Variants in SIPA1L1 observed in about 807,000 individuals in gnomAD.
SIPA1L1 encodes the protein signal induced proliferation associated 1 like 1, also known as signal-induced proliferation-associated 1-like protein 1.
In SIPA1L1, 26 loss-of-function variants were observed where a neutral mutation model predicts 162.7. That is an observed-to-expected ratio of 0.16 (90% CI 0.12 to 0.22). SIPA1L1 has a LOEUF of 0.22. SIPA1L1 is among the 10% of genes least tolerant of loss of function. SIPA1L1 has a pLI of 1.00. For missense variants in SIPA1L1, 1,874 were observed against 2,241.0 expected, an observed-to-expected ratio of 0.84 and a Z score of 3.31; for synonymous variants, 829 against 837.4, an observed-to-expected ratio of 0.99 and a Z score of 0.17.
chr14:71,471,217 T>G (rs2047430679), intron 2 of SIPA1L1, among the ~76,000 whole-genome samples: 1 of 151,736 alleles, frequency 6.6e-6, no homozygotes, highest in Non-Finnish European at 1.5e-5. Flanking sequence ...ATGCCTGTAA[T>G]CCCAGGACTT....
chr14:71,482,754 T>C (rs1276404238), intron 2 of SIPA1L1, among the ~76,000 whole-genome samples: 1 of 152,186 alleles, frequency 6.6e-6, no homozygotes, highest in Non-Finnish European at 1.5e-5. Flanking sequence ...AAGAATTGAC[T>C]CCTCTCCATC....
At chr14:71,584,963 T>G (rs2034398632) in intron 4 of SIPA1L1, among the ~76,000 whole-genome samples, 1 of 152,196 alleles carries the variant, frequency 6.6e-6, no homozygotes, top group South Asian at 2.1e-4. Context: ...CAGTCAACCC[T>G]AAGGAATAGA....
intron 13 of SIPA1L1, among the ~76,000 whole-genome samples, chr14:71,693,648 G>A (rs1020465472): frequency 2.6e-5 from 4 of 152,008 alleles, no homozygotes; most frequent in Admixed American, 6.6e-5. Context: ...AACACAACTT[G>A]TTCAAACTAC....
intron 2 of SIPA1L1, among the ~76,000 whole-genome samples, chr14:71,423,269 G>A (rs1210014873): frequency 6.6e-6 from 1 of 152,048 alleles, no homozygotes; most frequent in Non-Finnish European, 1.5e-5. Context: ...CCCATTCTGT[G>A]TGTTGCCTTT....
At chr14:71,618,203 C>T (rs2039045397) in intron 5 of SIPA1L1, among the ~76,000 whole-genome samples, 2 of 152,172 alleles carry the variant, frequency 1.3e-5, no homozygotes, top group South Asian at 4.1e-4. Flanking sequence ...GTCCTGCCTC[C>T]CTGGGGCACT....
chr14:71,418,742 G>A (rs182590141), intron 2 of SIPA1L1, among the ~76,000 whole-genome samples: 18 of 152,300 alleles, frequency 1.2e-4, no homozygotes, highest in Admixed American at 2.6e-4. Context: ...AGAGGAAGTT[G>A]TAAATGTCTT....
intron 2 of SIPA1L1, among the ~76,000 whole-genome samples, chr14:71,438,165 A>C (rs1193754615): frequency 6.6e-6 from 1 of 151,762 alleles, no homozygotes; most frequent in African/African-American, 2.4e-5. Context: ...AAAACAAAAC[A>C]AAACTCGTCA....
At position 71,618,881 on chromosome 14, in the gene SIPA1L1, T is replaced by C. The variant is rs767871956; in HGVS notation, c.1623T>C (p.Thr541=). The C allele has an allele frequency of 2.2e-5, 36 of 1,613,046 alleles. No individual in the cohort carries two copies. In the East Asian group the frequency reaches 7.4e-4, roughly 33 times the overall value. The change falls in exon 6 of 24, where the codon ACT becomes ACC. Residue 541 remains threonine (T), a synonymous_variant. Coordinates refer to ENST00000381232, the MANE Select transcript of SIPA1L1 (RefSeq NM_001386936.1). The part of the protein sequence containing the change: ...SPYNYRIIFR[T]SELMTLRGSV... ...ACAACTACCGAATAATTTTTAGAAC[T>C]AGTGAGGTAAGTCGCAAATGAGAGA...
intron 2 of SIPA1L1, among the ~76,000 whole-genome samples, chr14:71,457,802 G>C (rs1245498217): frequency 6.6e-6 from 1 of 151,662 alleles, no homozygotes; most frequent in Non-Finnish European, 1.5e-5. Flanking sequence ...TCACCATGTT[G>C]CTCAGGCTGG....
chr14:71,398,527 G>A (rs926749668), intron 2 of SIPA1L1: 7 of 152,192 alleles, frequency 4.6e-5, no homozygotes, highest in African/African-American at 1.7e-4. Flanking sequence ...TTTAAAAGTA[G>A]ATAGTTACAC....
chr14:71,733,565 A>AC (rs1319228591), intron 20 of SIPA1L1, 101 bp from the exon 21 acceptor site: 5 of 1,228,660 alleles, frequency 4.1e-6, no homozygotes, highest in Non-Finnish European at 5.7e-6. Context: ...GATAACAGTC[A>AC]CAAATGGCTT....
At chr14:71,364,567 A>G (rs2038106036) in intron 2 of SIPA1L1, among the ~76,000 whole-genome samples, 1 of 152,172 alleles carries the variant, frequency 6.6e-6, no homozygotes, top group Non-Finnish European at 1.5e-5. Context: ...ATATGAATAT[A>G]TCACAGTTTG....
intron 2 of SIPA1L1, among the ~76,000 whole-genome samples, chr14:71,435,053 A>T (rs1245198094): frequency 6.6e-6 from 1 of 152,286 alleles, no homozygotes; most frequent in East Asian, 1.9e-4. Flanking sequence ...GCTTGCAAGT[A>T]TGCAGTTTAT....
intron 20 of SIPA1L1, among the ~76,000 whole-genome samples, chr14:71,731,719 G>A (rs1394256491): frequency 6.6e-6 from 1 of 152,248 alleles, no homozygotes; most frequent in African/African-American, 2.4e-5. Flanking sequence ...TGTCCCACAC[G>A]TGGTCATTGT....
intron 17 of SIPA1L1, among the ~76,000 whole-genome samples, chr14:71,719,465 G>A (rs186670138): frequency 6.6e-6 from 1 of 152,264 alleles, no homozygotes; most frequent in East Asian, 1.9e-4. Flanking sequence ...GTCTTTTAAT[G>A]TAACCATTCT....
chr14:71,738,377 A>G, intron 23 of SIPA1L1, 52 bp downstream of exon 23: 1 of 1,246,280 alleles, frequency 8.0e-7, no homozygotes, highest in Non-Finnish European at 1.2e-6. Flanking sequence ...ACTACCCTTG[A>G]ACCATGAGAG....
intron 10 of SIPA1L1, among the ~76,000 whole-genome samples, chr14:71,663,643 G>T (rs892607531): frequency 6.6e-6 from 1 of 152,020 alleles, no homozygotes; most frequent in Non-Finnish European, 1.5e-5. Flanking sequence ...TCAGTGCTTT[G>T]TTTTTTTATT....
chr14:71,713,849 T>G (rs1316752954), intron 17 of SIPA1L1, among the ~76,000 whole-genome samples: 1 of 152,220 alleles, frequency 6.6e-6, no homozygotes, highest in Non-Finnish European at 1.5e-5. Flanking sequence ...CCTGTAACAT[T>G]TCCTTCTCTA....
At chr14:71,495,590 G>A (rs531738978) in intron 2 of SIPA1L1, among the ~76,000 whole-genome samples, 17 of 151,462 alleles carry the variant, frequency 1.1e-4, no homozygotes, top group African/African-American at 4.1e-4. Flanking sequence ...ACCAGCTTTT[G>A]GTTTTATTGA....
Sources: allele counts gnomAD v4.1 joint callset (sites outside exome capture counted in the v4.1 genomes callset), GRCh38; gene constraint gnomAD v4.1.1; transcripts MANE v1.5; gene names NCBI Gene and HGNC (gene_info 2026-07-23, HGNC 2026-07-21).